MYCBP2: variants seen among roughly 807,000 people sequenced by gnomAD.
MYCBP2 encodes E3 ubiquitin-protein ligase MYCBP2.
A neutral mutation model predicts 525.3 loss-of-function variants in MYCBP2; 120 were observed. The ratio of observed to expected loss-of-function variants is 0.23; its 90% CI spans 0.20 to 0.27. The LOEUF (loss-of-function observed/expected upper bound fraction) is 0.27. Ranked by LOEUF, MYCBP2 falls within the 10% of genes least tolerant of loss-of-function variation. The pLI, the probability that MYCBP2 is intolerant of heterozygous loss-of-function variation, is 1.00. For missense variants in MYCBP2, 4,149 were observed against 5,657.1 expected (o/e 0.73, Z 8.55); for synonymous variants, 1,894 against 1,955.8 (o/e 0.97, Z 0.83).
intron 17 of MYCBP2, among the ~76,000 whole-genome samples, chr13:77,236,046 C>T (rs1467316516): frequency 6.6e-6 from 1 of 152,016 alleles, no homozygotes; most frequent in African/African-American, 2.4e-5. Flanking sequence ...ATCTGTATTG[C>T]AGAATGAATA....
chr13:77,265,881 A>G (rs77081743), intron 8 of MYCBP2, among the ~76,000 whole-genome samples: 1,620 of 152,286 alleles, frequency 0.011, 12 homozygotes, highest in Middle Eastern at 0.02. Context: ...CTTCAGGAAT[A>G]TATCAAGCAA....
chr13:77,238,596 T>G (rs146765544), intron 17 of MYCBP2, among the ~76,000 whole-genome samples: 5 of 152,172 alleles, frequency 3.3e-5, no homozygotes, highest in African/African-American at 1.2e-4. Flanking sequence ...CACAAACCAT[T>G]GAACTAAAAT....
rs1022856567 is a variant in MYCBP2 at position 77,327,005 on chromosome 13, G to A, written c.-230C>T. 1.3e-4 allele frequency: 59 copies of A among 445,200 alleles called. No individual in the cohort carries two copies. The highest frequency in any genetic ancestry group is 3.9e-6 in the Non-Finnish European group (1 of 259,366). 27.6% of individuals were successfully genotyped at this position (445,200 alleles called of 1,614,324 possible). A position where few individuals can be genotyped will look rare whatever the true frequency, so the allele number is the denominator to read the frequency against. Reference sequence around the variant, plus strand: ...GCCGCTCATCTAACCCCGCCACCCCGGGAATGTGAGGAGGAGGCGGTGCCG... The same window carrying A: ...GCCGCTCATCTAACCCCGCCACCCCAGGAATGTGAGGAGGAGGCGGTGCCG... On this transcript the variant is annotated 5_prime_UTR_variant, in exon 1 of 83. Coordinates refer to ENST00000544440, the MANE Select transcript of MYCBP2 (RefSeq NM_015057.5).
chr13:77,060,770 TAATA>T (rs1311362399), intron 76 of MYCBP2, among the ~76,000 whole-genome samples: 1 of 152,212 alleles, frequency 6.6e-6, no homozygotes, highest in Admixed American at 6.5e-5. Context: ...TACAACCTTA[TAATA>T]AATAGAGATC....
rs1195231668 is a variant in MYCBP2, at chr13:77,225,504, G to T, written c.2788C>A (p.Pro930Thr). ...EKDASKITTY[P>T]PGSVRFDCEL... Reference sequence around the variant, plus strand: ...CAGTCAAATCGCACAGAGCCTGGAGGGTATGTTGTGATTTTGCTTGCATCC... The same window carrying T: ...CAGTCAAATCGCACAGAGCCTGGAGTGTATGTTGTGATTTTGCTTGCATCC... The change falls in exon 19 of 83, where the codon CCT becomes ACT. Residue 930 changes from proline (P) to threonine (T), a missense_variant. By Grantham distance (38) the Pro-to-Thr change is conservative. Transcript: ENST00000544440. 6.2e-7 allele frequency: 1 copy of T among 1,613,506 alleles called. No homozygotes were observed. The highest frequency in any genetic ancestry group is 8.5e-7 in the Non-Finnish European group (1 of 1,179,662).
chr13:77,273,402 T>C lies in MYCBP2; in HGVS notation c.945+70A>G, dbSNP rs866216272. ...GAGTGAGAAAAAGCAGAATTCCTAT[T>C]GACAGAAATTGAGACGAAACTGTAA... On this transcript the variant is annotated intron_variant, in intron 5 of 82. Coordinates refer to ENST00000544440, the MANE Select transcript of MYCBP2 (RefSeq NM_015057.5). 2.8e-5 allele frequency: 38 copies of C among 1,350,778 alleles called. 1 individual carries two copies. Among genetic ancestry groups the C allele is most frequent in the African/African-American group, 2.1e-4 (14 of 68,206 alleles). 83.7% of individuals were successfully genotyped at this position (1,350,778 alleles called of 1,614,324 possible). A position where few individuals can be genotyped will look rare whatever the true frequency, so the allele number is the denominator to read the frequency against.
At chr13:77,238,538 AAATT>A (rs2068319178) in intron 17 of MYCBP2, among the ~76,000 whole-genome samples, 3 of 152,204 alleles carry the variant, frequency 2.0e-5, no homozygotes, top group Admixed American at 2.0e-4. Context: ...TTGCACAGTT[AAATT>A]AATACATCAA....
intron 68 of MYCBP2, among the ~76,000 whole-genome samples, chr13:77,073,482 G>A (rs2041737193): frequency 6.6e-6 from 1 of 152,126 alleles, no homozygotes; most frequent in Non-Finnish European, 1.5e-5. Context: ...TCCAGAACAA[G>A]TCAGAGCTAT....
intron 1 of MYCBP2, among the ~76,000 whole-genome samples, chr13:77,301,282 G>A (rs2078764706): frequency 6.6e-6 from 1 of 151,950 alleles, no homozygotes; most frequent in African/African-American, 2.4e-5. Flanking sequence ...TGGGTATGGT[G>A]GTGCACGCCT....
chr13:77,232,071 T>C (rs1594154149), intron 18 of MYCBP2, among the ~76,000 whole-genome samples: 1 of 152,202 alleles, frequency 6.6e-6, no homozygotes, highest in Admixed American at 6.5e-5. Context: ...TTTACACCTT[T>C]ACTAAAGATG....
rs144762909 is a variant in MYCBP2 at position 77,051,817 on chromosome 13, C to T, written c.13749G>A (p.Arg4583=). Residue 4583 remains arginine (R), a synonymous_variant, in exon 81 of 83, where the codon AGG becomes AGA. Transcript: ENST00000544440. ...AATAAAATGTTCTGCCTACCTGAGC[C>T]CTGGAAACATCAGAACAGGCACCAC... ...LICGACSDVS[R]AQMCPKHGTD... is the part of the protein sequence containing the mutation. 1.2e-6 allele frequency: 2 copies of T among 1,612,870 alleles called. No individual in the cohort carries two copies. The highest frequency in any genetic ancestry group is 2.7e-5 in the African/African-American group (2 of 74,816).
rs779130537 is a variant in MYCBP2, at chr13:77,164,523, T to C, written c.6478A>G (p.Lys2160Glu). The change falls in exon 43 of 83, where the codon AAA becomes GAA. Residue 2160 changes from lysine to glutamate, a missense_variant. Physicochemically the swap from Lys to Glu is moderately conservative, Grantham distance 56. Transcript: ENST00000544440. The stretch of plus-strand genomic sequence containing the variant: ...ACCCCACCAAGATTGGCTAATTCTT[T>C]TTCCAATTGGATGACTCCCTATGGA... ...GPDEGVIQLEKELANLGGVCA... is the reference protein window; with the variant it reads ...GPDEGVIQLEEELANLGGVCA... The C allele has an allele frequency of 3.7e-6, 6 of 1,612,016 alleles. No homozygotes were observed. In the Admixed American group the frequency reaches 6.7e-5, roughly 18 times the overall value.
chr13:77,073,769 T>C (rs1451680578), intron 68 of MYCBP2, among the ~76,000 whole-genome samples: 1 of 152,160 alleles, frequency 6.6e-6, no homozygotes, highest in Non-Finnish European at 1.5e-5. Flanking sequence ...AAATAAAAAA[T>C]ACCATTTACA....
intron 2 of MYCBP2, among the ~76,000 whole-genome samples, chr13:77,295,972 C>T (rs2078146763): frequency 6.6e-6 from 1 of 152,112 alleles, no homozygotes; most frequent in South Asian, 2.1e-4. Flanking sequence ...AGTTTACAAG[C>T]TAATTTTACT....
rs75338878 is a variant in MYCBP2, at chr13:77,236,290, C to T, written c.2630-3027G>A. ...TGAGTAAAATAGGGGTATGAGATAACCAGGTTTAGATAGAAGCTACACTCA... is the reference window on the plus strand; with the variant it reads ...TGAGTAAAATAGGGGTATGAGATAATCAGGTTTAGATAGAAGCTACACTCA... On this transcript the variant is annotated intron_variant, in intron 17 of 82. Coordinates refer to ENST00000544440, the MANE Select transcript of MYCBP2 (RefSeq NM_015057.5). Among the ~76,000 whole-genome samples the T allele has an allele frequency of 5.2e-3, 788 of 152,100 alleles. 6 individuals carry two copies. The highest frequency in any genetic ancestry group is 0.018 in the African/African-American group (735 of 41,496).
intron 80 of MYCBP2, 57 bp from the exon 81 acceptor site, chr13:77,051,975 GATACAGTATGGGC>G: frequency 7.9e-7 from 1 of 1,270,612 alleles, no homozygotes; most frequent in Non-Finnish European, 1.1e-6. Flanking sequence ...TGGCATGGGA[GATACAGTATGGGC>G]ATAGTGAAAG....
At chr13:77,319,154 C>G (rs554041612) in intron 1 of MYCBP2, among the ~76,000 whole-genome samples, 63 of 152,198 alleles carry the variant, frequency 4.1e-4, no homozygotes, top group Admixed American at 1.6e-3. Context: ...CCTCCCTTCG[C>G]AGATCCAGCA....
At chr13:77,267,755 C>T in intron 8 of MYCBP2, 86 bp downstream of exon 8, 1 of 1,044,412 alleles carries the variant, frequency 9.6e-7, no homozygotes. Context: ...CTATCCCTTG[C>T]TAATCATTCT....
In MYCBP2 at chr13:77,219,569, A is replaced by C. The variant is rs7981256; in HGVS notation, c.2940-1612T>G. On this transcript the variant is annotated intron_variant, in intron 20 of 82. Transcript: ENST00000544440. ...GACAGGAAACAGAAATAGATCTCTAAGGAAAAGACAGCTAGGTTTCATAGC... is the reference window on the plus strand; with the variant it reads ...GACAGGAAACAGAAATAGATCTCTACGGAAAAGACAGCTAGGTTTCATAGC... Among the ~76,000 whole-genome samples, 1,311 of 152,204 alleles carry C rather than the reference A, an allele frequency of 8.6e-3. 21 individuals carry two copies. Among genetic ancestry groups the C allele is most frequent in the African/African-American group, 0.029 (1,220 of 41,530 alleles).
Sources: allele counts gnomAD v4.1 joint callset (sites outside exome capture counted in the v4.1 genomes callset), GRCh38; gene constraint gnomAD v4.1.1; transcripts MANE v1.5; gene names NCBI Gene and HGNC (gene_info 2026-07-23, HGNC 2026-07-21).